Variants in ADGRV1 observed in about 807,000 individuals in gnomAD.
ADGRV1 encodes G-protein coupled receptor 98.
ADGRV1 carries 359 observed loss-of-function variants against 596.2 expected under a neutral mutation model. The ratio of observed to expected loss-of-function variants is 0.60; its 90% CI spans 0.55 to 0.66. The LOEUF (loss-of-function observed/expected upper bound fraction) is 0.66, where lower values mean the gene tolerates loss of function less well. Among genes scored for constraint, ADGRV1 ranks in the 30% least tolerant of loss-of-function variants. The pLI is 0.00. For synonymous variants in ADGRV1, 2,681 were observed against 2,679.2 expected, an observed-to-expected ratio of 1.00 and a Z score of -0.02; for missense variants, 7,274 against 7,575.6, an observed-to-expected ratio of 0.96 and a Z score of 1.48.
At chr5:90,807,375 G>A (rs1434020868) in intron 72 of ADGRV1, among the ~76,000 whole-genome samples, 3 of 151,980 alleles carry the variant, frequency 2.0e-5, no homozygotes, top group African/African-American at 7.3e-5. Context: ...CATTGAGCCA[G>A]GAAAGAAAAA....
At chr5:90,889,395 T>C (rs1348167599) in intron 83 of ADGRV1, among the ~76,000 whole-genome samples, 1 of 152,094 alleles carries the variant, frequency 6.6e-6, no homozygotes, top group African/African-American at 2.4e-5. Flanking sequence ...CCTCTCCTCA[T>C]TATAGAGAAG....
rs1424832927 is a variant in ADGRV1 at position 90,811,027 on chromosome 5, G to T, written c.15767G>T (p.Ser5256Ile). 4 of 1,613,854 alleles carry T rather than the reference G, an allele frequency of 2.5e-6. No individual in the cohort carries two copies. Among genetic ancestry groups the T allele is most frequent in the Non-Finnish European group, 3.4e-6 (4 of 1,179,892 alleles). ...ACTGGTGGGTTTACTGGCAATGTCA[G>T]CATAACAGTTAAAACTTTCGGTGAA... ...RRTGGFTGNV[S>I]ITVKTFGERC... Residue 5256 changes from serine (S) to isoleucine (I), a missense_variant, in exon 74 of 90, where the codon AGC (serine) becomes ATC (isoleucine). Coordinates refer to ENST00000405460, the MANE Select transcript of ADGRV1 (RefSeq NM_032119.4).
intron 59 of ADGRV1, among the ~76,000 whole-genome samples, chr5:90,767,108 G>A (rs1256170132): frequency 6.6e-6 from 1 of 152,104 alleles, no homozygotes; most frequent in Non-Finnish European, 1.5e-5. Context: ...AAAATGCCAA[G>A]AATAGCCAGC....
chr5:90,868,142 A>G (rs900339340), intron 83 of ADGRV1, among the ~76,000 whole-genome samples: 2 of 152,098 alleles, frequency 1.3e-5, no homozygotes, highest in African/African-American at 4.8e-5. Flanking sequence ...TTGTTAAGTA[A>G]GGTATTAGAT....
chr5:90,800,612 T>C (rs1486386417), intron 70 of ADGRV1, among the ~76,000 whole-genome samples: 1 of 152,070 alleles, frequency 6.6e-6, no homozygotes, highest in Non-Finnish European at 1.5e-5. Flanking sequence ...CTACTGTAAA[T>C]ACACATGCAC....
chr5:91,046,981 T>C (rs1262572183), intron 85 of ADGRV1, among the ~76,000 whole-genome samples: 5 of 152,096 alleles, frequency 3.3e-5, no homozygotes, highest in Non-Finnish European at 2.9e-5. Flanking sequence ...ACCTTACTCC[T>C]AGAAGAATGG....
chr5:90,662,950 T>C (rs1157925785), intron 21 of ADGRV1, among the ~76,000 whole-genome samples: 1 of 151,138 alleles, frequency 6.6e-6, no homozygotes, highest in Non-Finnish European at 1.5e-5. Context: ...CTCATCATTT[T>C]TTATGGCTGC....
chr5:90,815,711 CT>C lies in ADGRV1; in HGVS notation c.16173del (p.Ile5392LeufsTer33). ...REGAVMRRLH[L>X]IVTRQPNRAF... Reference sequence around the variant, plus strand: ...AGGAGCTGTTATGAGAAGATTGCACCTTATTGTCACAAGACAGCCAAACAGG... The same window carrying C: ...AGGAGCTGTTATGAGAAGATTGCACCTATTGTCACAAGACAGCCAAACAGG... On this transcript the variant is annotated frameshift_variant, in exon 75 of 90. Transcript: ENST00000405460. LOFTEE classifies it high-confidence loss of function. 6.4e-7 allele frequency: 1 copy of C among 1,562,656 alleles called. No individual in the cohort carries two copies. Among genetic ancestry groups the C allele is most frequent in the Non-Finnish European group, 8.7e-7 (1 of 1,150,074 alleles).
At chr5:90,846,021 A>C (rs1338683270) in intron 78 of ADGRV1, among the ~76,000 whole-genome samples, 2 of 152,206 alleles carry the variant, frequency 1.3e-5, no homozygotes, top group Non-Finnish European at 2.9e-5. Flanking sequence ...GACTATTCTT[A>C]TAAATGCCAA....
Position 91,132,020 on chromosome 5 carries a change from C to G in ADGRV1, c.18433-18010C>G, listed in dbSNP as rs576988484. On this transcript the variant is annotated intron_variant, in intron 87 of 89. Transcript: ENST00000405460. ...GTTTCATTCTCCTGGATATGGCTATCCAATTTTCCTAGCACCATTTATTGA... is the reference window on the plus strand; with the variant it reads ...GTTTCATTCTCCTGGATATGGCTATGCAATTTTCCTAGCACCATTTATTGA... Among the ~76,000 whole-genome samples, 22 of 152,224 alleles carry G rather than the reference C, an allele frequency of 1.4e-4. No individual in the cohort carries two copies. In the East Asian group the frequency reaches 4.1e-3, roughly 28 times the overall value.
chr5:90,671,934 A>C (rs1007822102), intron 21 of ADGRV1, among the ~76,000 whole-genome samples: 69 of 152,216 alleles, frequency 4.5e-4, no homozygotes, highest in African/African-American at 1.7e-3. Context: ...ACCAACAAAT[A>C]TATTAAGCAT....
chr5:90,654,018 A>T, intron 20 of ADGRV1, 66 bp downstream of exon 20: 1 of 1,498,192 alleles, frequency 6.7e-7, no homozygotes, highest in Admixed American at 2.0e-5. Flanking sequence ...ATTAAAATTT[A>T]GATTTTTAAA....
intron 83 of ADGRV1, among the ~76,000 whole-genome samples, chr5:90,908,006 A>G (rs940887161): frequency 5.4e-4 from 82 of 152,004 alleles, no homozygotes; most frequent in African/African-American, 1.9e-3. Flanking sequence ...GTGCACTGCC[A>G]TGCCAGGTTA....
intron 89 of ADGRV1, among the ~76,000 whole-genome samples, chr5:91,155,624 C>T (rs989141306): frequency 3.3e-5 from 5 of 152,172 alleles, no homozygotes; most frequent in African/African-American, 1.2e-4. Context: ...ACCCATTTTG[C>T]TTAATTTAAC....
chr5:90,623,532 A>C (rs1764360513), intron 5 of ADGRV1, among the ~76,000 whole-genome samples: 1 of 151,988 alleles, frequency 6.6e-6, no homozygotes, highest in Non-Finnish European at 1.5e-5. Context: ...CTGTATCAGC[A>C]TTCTGAATAG....
chr5:91,113,555 G>T (rs1177658459), intron 87 of ADGRV1, among the ~76,000 whole-genome samples: 1 of 152,136 alleles, frequency 6.6e-6, no homozygotes, highest in East Asian at 1.9e-4. Context: ...AGAGTCAGTT[G>T]TTCCATAATT....
chr5:91,161,165 T>C (rs1345638246), intron 89 of ADGRV1, among the ~76,000 whole-genome samples: 3 of 152,172 alleles, frequency 2.0e-5, no homozygotes, highest in African/African-American at 7.2e-5. Flanking sequence ...CATATTTAGC[T>C]CTTCCTTGCT....
intron 83 of ADGRV1, among the ~76,000 whole-genome samples, chr5:90,933,161 G>T (rs1210855591): frequency 6.6e-6 from 1 of 152,078 alleles, no homozygotes; most frequent in East Asian, 1.9e-4. Context: ...GTCGGGCCTT[G>T]TTCTATATTT....
intron 83 of ADGRV1, among the ~76,000 whole-genome samples, chr5:90,886,953 G>T (rs942386554): frequency 6.6e-6 from 1 of 152,054 alleles, no homozygotes; most frequent in Non-Finnish European, 1.5e-5. Flanking sequence ...CGTCTTATGT[G>T]ACAACTGAAA....
Sources: allele counts gnomAD v4.1 joint callset (sites outside exome capture counted in the v4.1 genomes callset), GRCh38; gene constraint gnomAD v4.1.1; transcripts MANE v1.5; gene names NCBI Gene and HGNC (gene_info 2026-07-23, HGNC 2026-07-21).